Variants in DYNAP observed in about 807,000 individuals in gnomAD.
The protein encoded by DYNAP is dynactin associated protein.
A neutral mutation model predicts 8.5 loss-of-function variants in DYNAP; 7 were observed. That is an observed-to-expected ratio of 0.82 (90% CI 0.47 to 1.54). The LOEUF is 1.54. Ranked by LOEUF, DYNAP falls within the 40% of genes most tolerant of loss-of-function variation. DYNAP has a pLI of 0.01. For missense variants in DYNAP, 256 were observed against 224.3 expected (o/e 1.14, Z -0.90); for synonymous variants, 77 against 77.9 (o/e 0.99, Z 0.06).
chr18:54,579,445 A>T, the DYNAP span, among the ~76,000 whole-genome samples: 1 of 152,256 alleles, frequency 6.6e-6, no homozygotes. Flanking sequence ...AGTCCAATAC[A>T]TAAGTCAAGA....
chr18:54,579,121 C>G, the DYNAP span, among the ~76,000 whole-genome samples: 2 of 152,074 alleles, frequency 1.3e-5, no homozygotes, highest in African/African-American at 4.8e-5. Context: ...TTATTAACTT[C>G]TCAACTATTC....
chr18:54,579,949 G>A, the DYNAP span, among the ~76,000 whole-genome samples: 2 of 152,140 alleles, frequency 1.3e-5, no homozygotes, highest in Non-Finnish European at 2.9e-5. Flanking sequence ...ACTTCCATCT[G>A]GATATTTTGA....
At chr18:54,593,941 CAAAACAG>C (rs1292617758) in intron 1 of DYNAP, among the ~76,000 whole-genome samples, 1 of 151,636 alleles carries the variant, frequency 6.6e-6, no homozygotes, top group African/African-American at 2.4e-5. Context: ...CTCAACAAAA[CAAAACAG>C]AACAAAACAA....
chr18:54,597,474 G>A (rs974211058), intron 2 of DYNAP, among the ~76,000 whole-genome samples: 1 of 152,152 alleles, frequency 6.6e-6, no homozygotes, highest in Non-Finnish European at 1.5e-5. Flanking sequence ...GGCTGAACAT[G>A]TGTGAGGGCA....
chr18:54,596,612 TAG>T (rs1428923522), intron 2 of DYNAP, among the ~76,000 whole-genome samples: 5 of 152,176 alleles, frequency 3.3e-5, no homozygotes, highest in Non-Finnish European at 7.4e-5. Flanking sequence ...CAGGAAAGTT[TAG>T]AGAGTTGCTA....
At chr18:54,587,759 G>A (rs1321214183), upstream of DYNAP, 1 of 399,714 alleles carries the variant, frequency 2.5e-6, no homozygotes, top group Non-Finnish European at 4.4e-6. Context: ...CTCCATATAG[G>A]AGGATCAGGG....
chr18:54,579,004 C>A, the DYNAP span, among the ~76,000 whole-genome samples: 1 of 151,912 alleles, frequency 6.6e-6, no homozygotes, highest in South Asian at 2.1e-4. Context: ...TTTCACCATG[C>A]TAGCCAGGTT....
chr18:54,593,577 TATC>T (rs1911168498), intron 1 of DYNAP, among the ~76,000 whole-genome samples: 1 of 152,122 alleles, frequency 6.6e-6, no homozygotes. Flanking sequence ...AAGTAAACGT[TATC>T]ATCCTGTGAG....
the DYNAP span, among the ~76,000 whole-genome samples, chr18:54,580,526 C>T: frequency 6.4e-3 from 981 of 152,342 alleles, 16 homozygotes; most frequent in African/African-American, 0.022. Context: ...TGAGACAGCA[C>T]AACCTCTATC....
intron 1 of DYNAP, among the ~76,000 whole-genome samples, chr18:54,593,749 AC>A (rs1317555784): frequency 6.6e-6 from 1 of 151,932 alleles, no homozygotes; most frequent in Non-Finnish European, 1.5e-5. Context: ...ACATATGGAG[AC>A]CCCATCGCTA....
At chr18:54,594,000 T>C (rs1304484574) in intron 1 of DYNAP, among the ~76,000 whole-genome samples, 2 of 152,122 alleles carry the variant, frequency 1.3e-5, no homozygotes, top group Non-Finnish European at 2.9e-5. Flanking sequence ...AATCTACTCC[T>C]TTCTCATGTT....
upstream of DYNAP, among the ~76,000 whole-genome samples, chr18:54,586,899 G>C (rs1910900285): frequency 6.6e-6 from 1 of 152,182 alleles, no homozygotes; most frequent in African/African-American, 2.4e-5. Flanking sequence ...ATCTATGTCA[G>C]AGATTGCCTA....
At chr18:54,576,826 C>A in the DYNAP span, among the ~76,000 whole-genome samples, 2 of 151,784 alleles carry the variant, frequency 1.3e-5, no homozygotes, top group Admixed American at 1.3e-4. Context: ...ACAACAACAA[C>A]AACAACAACA....
Position 54,598,135 on chromosome 18 carries a change from A to T in DYNAP, c.545A>T (p.Asp182Val). The T allele has an allele frequency of 6.2e-7, 1 of 1,606,854 alleles. No homozygotes were observed. Among genetic ancestry groups the T allele is most frequent in the Non-Finnish European group, 8.5e-7 (1 of 1,175,778 alleles). The change falls in exon 3 of 3, where the codon GAT becomes GTT. Residue 182 changes from aspartate to valine, a missense_variant. By Grantham distance (152) the Asp-to-Val change is radical. Transcript: ENST00000648945. ...STEPITVAPTDHL is the reference protein window; with the variant it reads ...STEPITVAPTVHL ...GAACCTATAACTGTTGCACCTACCGATCATTTATAATTTGAACAGCCATAG... is the reference window on the plus strand; with the variant it reads ...GAACCTATAACTGTTGCACCTACCGTTCATTTATAATTTGAACAGCCATAG...
rs569757876 is a variant in DYNAP at position 54,596,605 on chromosome 18, G to T, written c.223-1208G>T. Reference sequence around the variant, plus strand: ...AACAATTAGGGAAAATATGGCTCAGGAAAGTTTAGAGAGTTGCTAGAACTC... The same window carrying T: ...AACAATTAGGGAAAATATGGCTCAGTAAAGTTTAGAGAGTTGCTAGAACTC... On this transcript the variant is annotated intron_variant, in intron 2 of 2. Transcript: ENST00000648945. 3.3e-5 allele frequency among the ~76,000 whole-genome samples: 5 copies of T among 152,252 alleles called. No homozygotes were observed. In the South Asian group the frequency reaches 1.0e-3, roughly 32 times the overall value.
chr18:54,594,813 G>A, intron 1 of DYNAP, 126 bp from the exon 2 acceptor site: 3 of 1,029,678 alleles, frequency 2.9e-6, no homozygotes, highest in Non-Finnish European at 4.1e-6. Context: ...ATCTTCAGGG[G>A]ATAAGAAAAC....
chr18:54,591,299 G>A lies in DYNAP; in HGVS notation c.17G>A (p.Gly6Glu). 3 of 1,612,478 alleles carry A rather than the reference G, an allele frequency of 1.9e-6. No individual in the cohort carries two copies. The highest frequency in any genetic ancestry group is 1.7e-6 in the Non-Finnish European group (2 of 1,179,060). Residue 6 changes from glycine to glutamate, a missense_variant, in exon 1 of 3, where the codon GGA (glycine) becomes GAA (glutamate). Coordinates refer to ENST00000648945, the MANE Select transcript of DYNAP (RefSeq NM_173629.3). ...AGCTCAAGAATGGACAGAAAGCATG[G>A]AAAATACATATTGAACGTTGAGCAC... MDRKH[G>E]KYILNVEHSE...
At chr18:54,591,586 A>G (rs1388960633) in intron 1 of DYNAP, among the ~76,000 whole-genome samples, 1 of 152,166 alleles carries the variant, frequency 6.6e-6, no homozygotes, top group Non-Finnish European at 1.5e-5. Flanking sequence ...TTCTATGGCC[A>G]TAGGATATAC....
upstream of DYNAP, among the ~76,000 whole-genome samples, chr18:54,590,422 C>T (rs1397763922): frequency 6.6e-6 from 1 of 152,008 alleles, no homozygotes; most frequent in Non-Finnish European, 1.5e-5. Flanking sequence ...TATTCTACAG[C>T]TTGAGGGTAA....
Sources: allele counts gnomAD v4.1 joint callset (sites outside exome capture counted in the v4.1 genomes callset), GRCh38; gene constraint gnomAD v4.1.1; transcripts MANE v1.5; gene names NCBI Gene and HGNC (gene_info 2026-07-23, HGNC 2026-07-21).